COL4A4: variants seen among roughly 807,000 people sequenced by gnomAD.
The protein encoded by COL4A4 is collagen type IV alpha 4 chain, also known as collagen alpha-4(IV) chain.
A neutral mutation model predicts 192.9 loss-of-function variants in COL4A4; 105 were observed. The ratio of observed to expected loss-of-function variants is 0.54; its 90% CI spans 0.46 to 0.64. The LOEUF (loss-of-function observed/expected upper bound fraction) is 0.64, where lower values mean the gene tolerates loss of function less well. Ranked by LOEUF, COL4A4 falls within the 30% of genes least tolerant of loss-of-function variation. The probability of loss-of-function intolerance (pLI) is 0.00; values close to 1 mark genes in which losing one functional copy is unlikely to be tolerated. For missense variants in COL4A4, 1,967 were observed against 2,169.3 expected, an observed-to-expected ratio of 0.91 and a Z score of 1.85; for synonymous variants, 762 against 769.9, an observed-to-expected ratio of 0.99 and a Z score of 0.17.
At chr2:227,070,607 A>G (rs912867020) in intron 25 of COL4A4, among the ~76,000 whole-genome samples, 2 of 151,790 alleles carry the variant, frequency 1.3e-5, no homozygotes, top group Non-Finnish European at 2.9e-5. Flanking sequence ...TTCTCAGTAA[A>G]CTATCGCAAG....
chr2:227,163,787 G>A (rs1249867671), intron 1 of COL4A4, among the ~76,000 whole-genome samples: 2 of 152,174 alleles, frequency 1.3e-5, no homozygotes, highest in East Asian at 1.9e-4. Flanking sequence ...CTGCCAGGCC[G>A]GTAACTCGAG....
Position 227,057,046 on chromosome 2 carries a change from C to G in COL4A4, c.2545+393G>C, listed in dbSNP as rs1425150998. ...GTGTTCCTACGTCTTCCTGGGTATG[C>G]CAAGAATGCAAGATCCTAATGCTCT... is the stretch of plus-strand genomic sequence containing the variant. On this transcript the variant is annotated intron_variant, in intron 29 of 47. Coordinates refer to ENST00000396625, the MANE Select transcript of COL4A4 (RefSeq NM_000092.5). Among the ~76,000 whole-genome samples, 5 of 152,264 alleles carry G rather than the reference C, an allele frequency of 3.3e-5. No individual in the cohort carries two copies. The South Asian group carries it at 8.3e-4, about 25-fold the overall frequency.
intron 30 of COL4A4, among the ~76,000 whole-genome samples, chr2:227,055,463 C>G (rs1446426027): frequency 3.9e-5 from 6 of 151,996 alleles, no homozygotes; most frequent in Non-Finnish European, 4.4e-5. Context: ...CCACTGCCCT[C>G]TAGCCTGGGC....
At chr2:227,054,995 G>C (rs1974984170) in intron 30 of COL4A4, among the ~76,000 whole-genome samples, 1 of 152,054 alleles carries the variant, frequency 6.6e-6, no homozygotes, top group African/African-American at 2.4e-5. Context: ...TCACCATGTT[G>C]GCCAGGCTGG....
At chr2:227,049,709 C>T (rs10178098) in intron 34 of COL4A4, among the ~76,000 whole-genome samples, 78,623 of 151,744 alleles carry the variant, frequency 0.52, 20,519 homozygotes, top group South Asian at 0.63. Flanking sequence ...CTGGCTCCTG[C>T]GGGACATAGG....
the COL4A4 span, chr2:226,988,601 T>A: frequency 7.3e-7 from 1 of 1,361,472 alleles, no homozygotes; most frequent in South Asian, 2.1e-5. Flanking sequence ...GGCCGGGGGC[T>A]CCAGCTGCCC....
chr2:227,116,134 T>A (rs570526875), intron 7 of COL4A4, among the ~76,000 whole-genome samples: 63 of 151,734 alleles, frequency 4.2e-4, no homozygotes, highest in Non-Finnish European at 6.0e-4. Context: ...AATTAGGGGT[T>A]CACATAGCAG....
At chr2:227,025,699 A>C in intron 43 of COL4A4, 103 bp downstream of exon 43, 1 of 1,065,852 alleles carries the variant, frequency 9.4e-7, no homozygotes, top group East Asian at 2.4e-5. Context: ...ATCTATAAAA[A>C]TGTAACAAAG....
chr2:227,109,167 T>C (rs752282885), intron 10 of COL4A4, 57 bp downstream of exon 10: 1 of 1,528,078 alleles, frequency 6.5e-7, no homozygotes, highest in African/African-American at 1.4e-5. Context: ...TGTTGCTTCT[T>C]TATTTTCATG....
chr2:227,004,027 A>G lies in COL4A4; in HGVS notation c.*3298T>C, dbSNP rs1961550315. The G allele has an allele frequency of 1.3e-5, 2 of 152,228 alleles. No homozygotes were observed. Among genetic ancestry groups the G allele is most frequent in the Non-Finnish European group, 2.9e-5 (2 of 68,044 alleles). 9.4% of individuals were successfully genotyped at this position (152,228 alleles called of 1,614,324 possible). A position where few individuals can be genotyped will look rare whatever the true frequency, so the allele number is the denominator to read the frequency against. On this transcript the variant is annotated 3_prime_UTR_variant, in exon 48 of 48. Coordinates refer to ENST00000396625, the MANE Select transcript of COL4A4 (RefSeq NM_000092.5). ...ACCTTATATGCAGAGCTGAACACCT[A>G]ATGCCTAATGATGTTTATGGAATTG...
chr2:227,103,057 C>T (rs1036074234), intron 14 of COL4A4, 87 bp downstream of exon 14: 1 of 1,240,930 alleles, frequency 8.1e-7, no homozygotes, highest in African/African-American at 1.5e-5. Context: ...GCACTTAAAG[C>T]AATGATAAAG....
At chr2:227,081,169 G>T (rs1281670288) in intron 23 of COL4A4, among the ~76,000 whole-genome samples, 2 of 152,174 alleles carry the variant, frequency 1.3e-5, no homozygotes, top group Non-Finnish European at 2.9e-5. Flanking sequence ...CTGGTAAAGG[G>T]TTGTTGTTGG....
chr2:227,122,565 A>T (rs2061855409), intron 4 of COL4A4, among the ~76,000 whole-genome samples: 1 of 152,128 alleles, frequency 6.6e-6, no homozygotes, highest in African/African-American at 2.4e-5. Flanking sequence ...CATCTATATA[A>T]AAACTGGAGT....
intron 19 of COL4A4, among the ~76,000 whole-genome samples, chr2:227,097,001 A>G (rs1027142709): frequency 6.6e-6 from 1 of 152,202 alleles, no homozygotes; most frequent in African/African-American, 2.4e-5. Flanking sequence ...ACAAGTATAT[A>G]ATAGGACTAG....
rs770011392 is a variant in COL4A4 at position 227,108,582 on chromosome 2, G to A, written c.734C>T (p.Pro245Leu). 1.9e-5 allele frequency: 31 copies of A among 1,613,524 alleles called. No individual in the cohort carries two copies. Among genetic ancestry groups the A allele is most frequent in the South Asian group, 3.3e-5 (3 of 91,054 alleles). ...CTCAGAGCAAGAGGGAATTCTTACC[G>A]GGTCTCCCATTTGCCCCTTTACTCC... is the stretch of plus-strand genomic sequence containing the variant. ...GVGVKGQMGDPGEVGQQGSPG... is the reference protein window; with the variant it reads ...GVGVKGQMGDLGEVGQQGSPG... The change falls in exon 12 of 48, where the codon CCG becomes CTG. Residue 245 changes from proline to leucine, a missense_variant and splice_region_variant. Physicochemically the swap from Pro to Leu is moderately conservative, Grantham distance 98. Coordinates refer to ENST00000396625, the MANE Select transcript of COL4A4 (RefSeq NM_000092.5).
At chr2:227,139,255 C>T (rs2063032649) in intron 4 of COL4A4, among the ~76,000 whole-genome samples, 2 of 152,164 alleles carry the variant, frequency 1.3e-5, no homozygotes, top group South Asian at 4.1e-4. Context: ...TCGTAAGCCA[C>T]CCAGTCTATG....
intron 25 of COL4A4, among the ~76,000 whole-genome samples, chr2:227,071,612 C>T (rs879700296): frequency 6.6e-6 from 1 of 152,082 alleles, no homozygotes; most frequent in Non-Finnish European, 1.5e-5. Context: ...TTCTCAGAAG[C>T]ATGGAACATT....
chr2:227,039,248 C>T (rs1970308042), intron 37 of COL4A4, among the ~76,000 whole-genome samples: 1 of 152,192 alleles, frequency 6.6e-6, no homozygotes, highest in Admixed American at 6.5e-5. Context: ...TTCACTGCAA[C>T]CTCCACCTCC....
At chr2:226,982,345 A>G in the COL4A4 span, among the ~76,000 whole-genome samples, 1 of 152,250 alleles carries the variant, frequency 6.6e-6, no homozygotes, top group African/African-American at 2.4e-5. Context: ...TAGGCCGCAG[A>G]TAATCTCAGG....
Sources: gnomAD v4.1 joint callset for allele counts (sites outside exome capture counted in the v4.1 genomes callset) on GRCh38, gnomAD v4.1.1 for gene constraint, MANE v1.5 for transcripts, NCBI Gene and HGNC (gene_info 2026-07-23, HGNC 2026-07-21) for gene names.